The following PEBP4 variants were observed in gnomAD, a reference collection of about 807,000 sequenced individuals.
PEBP4 encodes the protein phosphatidylethanolamine-binding protein 4.
Under a neutral mutation model 23.9 loss-of-function variants are expected in PEBP4, and 22 were observed. The ratio of observed to expected loss-of-function variants is 0.92; its 90% CI spans 0.66 to 1.31. PEBP4 has a LOEUF of 1.31. Among genes scored for constraint, PEBP4 ranks in the 40% most tolerant of loss-of-function variants. The pLI, the probability that PEBP4 is intolerant of heterozygous loss-of-function variation, is 0.00. For missense variants in PEBP4, 324 were observed against 281.7 expected (o/e 1.15, Z -1.07); for synonymous variants, 112 against 99.3 (o/e 1.13, Z -0.76).
intron 3 of PEBP4, among the ~76,000 whole-genome samples, chr8:22,871,926 A>C (rs886469697): frequency 6.6e-6 from 1 of 150,758 alleles, no homozygotes; most frequent in Admixed American, 6.6e-5. Flanking sequence ...TTTATCCCTC[A>C]CTCCCAACCT....
At chr8:22,927,086 C>T (rs1446422671) in intron 2 of PEBP4, among the ~76,000 whole-genome samples, 1 of 152,238 alleles carries the variant, frequency 6.6e-6, no homozygotes, top group Non-Finnish European at 1.5e-5. Flanking sequence ...CGTCACCCAA[C>T]TCCATCCAGT....
chr8:22,748,858 A>C (rs1252260492), intron 4 of PEBP4, among the ~76,000 whole-genome samples: 2 of 152,234 alleles, frequency 1.3e-5, no homozygotes, highest in African/African-American at 4.8e-5. Context: ...TGGATGATTT[A>C]GGTGCGGACT....
At chr8:22,870,169 T>C (rs1166277995) in intron 3 of PEBP4, among the ~76,000 whole-genome samples, 1 of 152,184 alleles carries the variant, frequency 6.6e-6, no homozygotes, top group Non-Finnish European at 1.5e-5. Flanking sequence ...TTATTCATAA[T>C]TGCTAAAACT....
At chr8:22,937,255 C>T (rs1403435602) in intron 1 of PEBP4, among the ~76,000 whole-genome samples, 1 of 152,022 alleles carries the variant, frequency 6.6e-6, no homozygotes, top group East Asian at 1.9e-4. Context: ...TTGTAATTTA[C>T]AAAATCAACA....
intron 4 of PEBP4, among the ~76,000 whole-genome samples, chr8:22,759,951 C>T (rs1358742242): frequency 6.6e-6 from 1 of 152,170 alleles, no homozygotes; most frequent in Non-Finnish European, 1.5e-5. Context: ...TCACTTCTCT[C>T]CTGGTAAACT....
At chr8:22,804,531 T>C (rs1378525590) in intron 4 of PEBP4, among the ~76,000 whole-genome samples, 1 of 152,140 alleles carries the variant, frequency 6.6e-6, no homozygotes, top group African/African-American at 2.4e-5. Context: ...TTTACAGTTT[T>C]TAAGTGTACA....
intron 3 of PEBP4, among the ~76,000 whole-genome samples, chr8:22,837,367 C>T (rs918347487): frequency 1.3e-5 from 2 of 152,210 alleles, no homozygotes; most frequent in Non-Finnish European, 2.9e-5. Context: ...TTCATTTCCA[C>T]GGGTGATATT....
intron 3 of PEBP4, chr8:22,896,240 C>T (rs1222311875): frequency 6.6e-6 from 1 of 152,214 alleles, no homozygotes; most frequent in Non-Finnish European, 1.5e-5. Context: ...AAGATCTGAA[C>T]TAGAGAAATA....
rs535760623 is a variant in PEBP4 at position 22,715,254 on chromosome 8, G to A, written c.518-1718C>T. Among the ~76,000 whole-genome samples the A allele has an allele frequency of 5.3e-5, 8 of 152,342 alleles. No homozygotes were observed. In the South Asian group the frequency reaches 1.7e-3, roughly 32 times the overall value. ...CTCTCCCGGTGGAGGTGTACTGACT[G>A]CAGCCGGGTTCTCCTAGGAGGCTCA... is the stretch of plus-strand genomic sequence containing the variant. On this transcript the variant is annotated intron_variant, in intron 6 of 6. Transcript: ENST00000256404.
At chr8:22,846,393 A>G (rs1807437755) in intron 3 of PEBP4, among the ~76,000 whole-genome samples, 2 of 152,174 alleles carry the variant, frequency 1.3e-5, no homozygotes, top group African/African-American at 4.8e-5. Context: ...AAGGCACTAA[A>G]CCCTGGATTG....
chr8:22,848,522 C>A (rs1807487333), intron 3 of PEBP4, among the ~76,000 whole-genome samples: 1 of 152,076 alleles, frequency 6.6e-6, no homozygotes, highest in Non-Finnish European at 1.5e-5. Flanking sequence ...CACTCCTGTG[C>A]AGGTGTGACA....
intron 3 of PEBP4, among the ~76,000 whole-genome samples, chr8:22,840,399 T>C (rs1353526927): frequency 1.3e-5 from 2 of 151,488 alleles, no homozygotes; most frequent in African/African-American, 2.4e-5. Flanking sequence ...AAATTTTTTC[T>C]TCTTTTAATT....
At chr8:22,933,139 C>T (rs1809486161) in intron 1 of PEBP4, among the ~76,000 whole-genome samples, 2 of 152,124 alleles carry the variant, frequency 1.3e-5, no homozygotes, top group Non-Finnish European at 2.9e-5. Flanking sequence ...GAGAGCCAGA[C>T]CCATCATGTG....
intron 1 of PEBP4, among the ~76,000 whole-genome samples, chr8:22,939,108 G>T (rs931194229): frequency 1.1e-4 from 16 of 152,016 alleles, no homozygotes; most frequent in Non-Finnish European, 1.6e-4. Flanking sequence ...AATTTCTTTT[G>T]TTTTTTTCTC....
At chr8:22,774,471 C>T (rs529123990) in intron 4 of PEBP4, among the ~76,000 whole-genome samples, 6 of 152,260 alleles carry the variant, frequency 3.9e-5, no homozygotes, top group Non-Finnish European at 7.4e-5. Flanking sequence ...TCTTCAGAGC[C>T]CCATAGGCAG....
intron 4 of PEBP4, 73 bp from the exon 5 acceptor site, chr8:22,727,293 T>A: frequency 6.9e-7 from 1 of 1,448,890 alleles, no homozygotes. Flanking sequence ...TCTGCGGGAT[T>A]GCTTCTCTCT....
intron 1 of PEBP4, among the ~76,000 whole-genome samples, chr8:22,936,592 C>T (rs988379494): frequency 6.6e-6 from 1 of 152,194 alleles, no homozygotes; most frequent in Non-Finnish European, 1.5e-5. Context: ...TACTCCCTGA[C>T]TCACTCTGTG....
At chr8:22,828,260 C>T (rs973222485) in intron 3 of PEBP4, among the ~76,000 whole-genome samples, 10 of 152,154 alleles carry the variant, frequency 6.6e-5, no homozygotes, top group African/African-American at 2.4e-4. Context: ...CATTCTTGAA[C>T]TTCTGGTTTC....
chr8:22,736,032 G>A (rs910743178), intron 4 of PEBP4, among the ~76,000 whole-genome samples: 10 of 152,176 alleles, frequency 6.6e-5, no homozygotes, highest in Non-Finnish European at 1.3e-4. Flanking sequence ...TCACACAGAT[G>A]GCAGCTTCGA....
Sources: allele counts gnomAD v4.1 joint callset (sites outside exome capture counted in the v4.1 genomes callset), GRCh38; gene constraint gnomAD v4.1.1; transcripts MANE v1.5; gene names NCBI Gene and HGNC (gene_info 2026-07-23, HGNC 2026-07-21).